The following MTNAP1 variants were observed in gnomAD, a reference collection of about 807,000 sequenced individuals.
MTNAP1 encodes the protein mitochondrial nucleoid-associated protein 1.
At chr17:73,245,259 T>TA in the MTNAP1 span, 1 of 1,575,486 alleles carries the variant, frequency 6.3e-7, no homozygotes. Flanking sequence ...CTGCAATACA[T>TA]ACTTAACAGT....
At chr17:73,241,159 C>T in the MTNAP1 span, among the ~76,000 whole-genome samples, 1 of 152,174 alleles carries the variant, frequency 6.6e-6, no homozygotes, top group East Asian at 1.9e-4. Flanking sequence ...AGCATAAGCC[C>T]TCTTTTTTTT....
chr17:73,245,363 C>T, the MTNAP1 span: 17 of 1,348,408 alleles, frequency 1.3e-5, no homozygotes, highest in Middle Eastern at 4.1e-4. Context: ...AGGAAGTAAA[C>T]GTATTATTAA....
At chr17:73,247,498 C>G in the MTNAP1 span, 1 of 651,118 alleles carries the variant, frequency 1.5e-6, no homozygotes. Context: ...TGTATCACTG[C>G]TATAAATAAA....
At chr17:73,240,504 T>G in the MTNAP1 span, among the ~76,000 whole-genome samples, 1 of 152,206 alleles carries the variant, frequency 6.6e-6, no homozygotes, top group Non-Finnish European at 1.5e-5. Flanking sequence ...TAAAAGATGG[T>G]GCCATTGGCT....
the MTNAP1 span, among the ~76,000 whole-genome samples, chr17:73,234,538 A>G: frequency 6.6e-6 from 1 of 152,038 alleles, no homozygotes; most frequent in Non-Finnish European, 1.5e-5. Flanking sequence ...TAAAAATACA[A>G]AAATTAGCCT....
chr17:73,236,476 T>C, the MTNAP1 span: 3 of 1,614,182 alleles, frequency 1.9e-6, no homozygotes, highest in Non-Finnish European at 2.5e-6. Flanking sequence ...GAGCCATGGC[T>C]GTGAGAACTT....
the MTNAP1 span, among the ~76,000 whole-genome samples, chr17:73,243,574 GC>G: frequency 6.7e-6 from 1 of 148,664 alleles, no homozygotes; most frequent in Non-Finnish European, 1.5e-5. Flanking sequence ...TCCCACCCAG[GC>G]TAGAGTGCAG....
chr17:73,242,288 C>A, the MTNAP1 span: 2 of 1,606,652 alleles, frequency 1.2e-6, no homozygotes, highest in East Asian at 2.2e-5. Flanking sequence ...GAGTTTGGAA[C>A]CCCCTGCCGG....
the MTNAP1 span, chr17:73,236,337 C>T: frequency 8.6e-5 from 138 of 1,614,034 alleles, 1 homozygote; most frequent in East Asian, 2.2e-5. Flanking sequence ...TTAAAATGAG[C>T]TCATTAGGTA....
the MTNAP1 span, chr17:73,236,973 C>G: frequency 4.2e-4 from 666 of 1,580,952 alleles, 3 homozygotes; most frequent in African/African-American, 6.9e-3. Flanking sequence ...TTATCAGTCC[C>G]CAGGGGGAAA....
the MTNAP1 span, chr17:73,236,301 G>C: frequency 3.1e-6 from 5 of 1,614,100 alleles, no homozygotes; most frequent in Non-Finnish European, 4.2e-6. Flanking sequence ...CTCCAGAAAA[G>C]AACACAGAAT....
chr17:73,247,579 T>G, the MTNAP1 span: 152 of 450,766 alleles, frequency 3.4e-4, 1 homozygote, highest in African/African-American at 2.7e-3. Flanking sequence ...AGTAAATATT[T>G]TATATCCCTG....
the MTNAP1 span, chr17:73,242,367 G>T: frequency 6.6e-6 from 10 of 1,509,860 alleles, no homozygotes; most frequent in South Asian, 1.2e-5. Flanking sequence ...GCTGGAGTTT[G>T]ACTGTTGTCT....
the MTNAP1 span, among the ~76,000 whole-genome samples, chr17:73,242,546 A>T: frequency 6.6e-6 from 1 of 152,182 alleles, no homozygotes; most frequent in Non-Finnish European, 1.5e-5. Flanking sequence ...AATAACAGCT[A>T]CCATTTATTC....
chr17:73,245,650 G>A, the MTNAP1 span: 1 of 985,350 alleles, frequency 1.0e-6, no homozygotes, highest in Non-Finnish European at 1.2e-6. Context: ...CTTCCCCTTA[G>A]TTTCTTTGGG....
the MTNAP1 span, chr17:73,242,951 G>T: frequency 6.2e-7 from 1 of 1,613,954 alleles, no homozygotes; most frequent in Non-Finnish European, 8.5e-7. Context: ...GCATCACGAT[G>T]CTCTTCACAG....
At chr17:73,236,468 G>A in the MTNAP1 span, 83 of 1,614,080 alleles carry the variant, frequency 5.1e-5, 2 homozygotes, top group South Asian at 7.9e-4. Context: ...ACTGTCATGA[G>A]CCATGGCTGT....
chr17:73,242,239 CAT>C, the MTNAP1 span: 1 of 1,564,994 alleles, frequency 6.4e-7, no homozygotes, highest in Non-Finnish European at 8.7e-7. Flanking sequence ...TGTTTGGAAC[CAT>C]AGTTTCTTTG....
At chr17:73,245,208 C>T in the MTNAP1 span, 8 of 1,613,306 alleles carry the variant, frequency 5.0e-6, no homozygotes, top group South Asian at 4.4e-5. Context: ...CTGGACATCA[C>T]TTAAAGCTCT....
Sources: gnomAD v4.1 joint callset for allele counts (sites outside exome capture counted in the v4.1 genomes callset) on GRCh38, gnomAD v4.1.1 for gene constraint, MANE v1.5 for transcripts, NCBI Gene and HGNC (gene_info 2026-07-23, HGNC 2026-07-21) for gene names.